Variants in RPS6KA2 observed in about 807,000 individuals in gnomAD.
RPS6KA2 encodes the protein ribosomal protein S6 kinase A2.
A neutral mutation model predicts 91.8 loss-of-function variants in RPS6KA2; 42 were observed. The observed-to-expected ratio is 0.46, with a 90% CI of 0.36 to 0.59. The LOEUF (loss-of-function observed/expected upper bound fraction) is 0.59. RPS6KA2 is among the 20% of genes least tolerant of loss of function. The pLI, the probability that RPS6KA2 is intolerant of heterozygous loss-of-function variation, is 0.00. For missense variants in RPS6KA2, 798 were observed against 978.5 expected (o/e 0.82, Z 2.46); for synonymous variants, 414 against 393.6 (o/e 1.05, Z -0.61).
At chr6:166,491,566 A>G (rs1053344521) in intron 8 of RPS6KA2, among the ~76,000 whole-genome samples, 1 of 152,228 alleles carries the variant, frequency 6.6e-6, no homozygotes, top group African/African-American at 2.4e-5. Flanking sequence ...CCAAGGATCA[A>G]TCCTACTCGG....
intron 1 of RPS6KA2, among the ~76,000 whole-genome samples, chr6:166,548,590 A>G (rs1783901171): frequency 6.6e-6 from 1 of 152,242 alleles, no homozygotes; most frequent in Admixed American, 6.5e-5. Flanking sequence ...GAGGAAAGGC[A>G]GCCTTTTTGA....
In RPS6KA2 at chr6:166,626,059, T is replaced by G. The variant is rs1786860954; in HGVS notation, c.99+862A>C. Among the ~76,000 whole-genome samples the G allele has an allele frequency of 6.6e-6, 1 of 152,208 alleles. No homozygotes were observed. Among genetic ancestry groups the G allele is most frequent in the African/African-American group, 2.4e-5 (1 of 41,464 alleles). ...GCCTTGAGGCAAAGGCGGGACAGTG[T>G]CAGGCGAAATCTTTGGGTCCCAGCC... On this transcript the variant is annotated intron_variant, in intron 1 of 20. Coordinates refer to ENST00000265678, the MANE Select transcript of RPS6KA2 (RefSeq NM_021135.6). This position sits in a 1 kb window ranked among gnomAD's most constrained non-coding sequence, Gnocchi z 4.1.
chr6:166,633,857 CTA>C (rs1452939759), intron 2 of RPS6KA2, among the ~76,000 whole-genome samples: 1 of 152,176 alleles, frequency 6.6e-6, no homozygotes, highest in Non-Finnish European at 1.5e-5. Context: ...CAAAAATATA[CTA>C]TGAGTCAGCG....
Position 166,448,637 on chromosome 6 carries a change from T to A in RPS6KA2, c.1332+87A>T. 6.9e-7 allele frequency: 1 copy of A among 1,457,878 alleles called. No individual in the cohort carries two copies. The highest frequency in any genetic ancestry group is 9.3e-7 in the Non-Finnish European group (1 of 1,080,828). The allele number at this position is 1,457,878 out of a possible 1,614,324, so 90.3% of individuals were successfully genotyped here. On this transcript the variant is annotated intron_variant, in intron 14 of 20. Transcript: ENST00000265678. The surrounding 1 kb of genome is among the most constrained non-coding windows in gnomAD (Gnocchi z 4.7). Reference sequence around the variant, plus strand: ...GCACTCACACAGGGCCCTGCTATGCTCCTATGCTCCGTGCTCCCACATACC... The same window carrying A: ...GCACTCACACAGGGCCCTGCTATGCACCTATGCTCCGTGCTCCCACATACC...
intron 6 of RPS6KA2, 85 bp from the exon 7 acceptor site, chr6:166,501,009 G>T: frequency 7.8e-7 from 1 of 1,275,408 alleles, no homozygotes; most frequent in South Asian, 1.2e-5. Flanking sequence ...AGAGCTGCGG[G>T]GCAGCTGGGG....
chr6:166,417,530 G>A (rs1380756167), intron 19 of RPS6KA2, among the ~76,000 whole-genome samples: 5 of 151,968 alleles, frequency 3.3e-5, no homozygotes, highest in African/African-American at 7.3e-5. Flanking sequence ...TCTCCTTGGG[G>A]CTCCAGCCTG....
intron 17 of RPS6KA2, among the ~76,000 whole-genome samples, chr6:166,421,895 A>AT (rs1046861388): frequency 3.3e-5 from 5 of 151,512 alleles, no homozygotes; most frequent in African/African-American, 9.7e-5. Context: ...GGTTACTTTC[A>AT]TTTTTTTTAG....
chr6:166,761,149 C>G (rs943262695), intron 2 of RPS6KA2, among the ~76,000 whole-genome samples: 1 of 152,112 alleles, frequency 6.6e-6, no homozygotes, highest in Non-Finnish European at 1.5e-5. Flanking sequence ...CTGCAACCTC[C>G]GCCTCCCGGG....
intron 2 of RPS6KA2, among the ~76,000 whole-genome samples, chr6:166,678,767 C>A (rs375736422): frequency 1.0e-3 from 154 of 152,326 alleles, no homozygotes; most frequent in African/African-American, 3.6e-3. Flanking sequence ...CAAAACGTGG[C>A]CTCTGAAGTC....
chr6:166,853,037 G>A (rs183714193), intron 2 of RPS6KA2, among the ~76,000 whole-genome samples: 14 of 152,320 alleles, frequency 9.2e-5, no homozygotes, highest in Admixed American at 1.3e-4. Context: ...GTGGAATCAC[G>A]CTGACATTTT....
chr6:166,696,161 G>A (rs1026833212), intron 2 of RPS6KA2, among the ~76,000 whole-genome samples: 5 of 152,136 alleles, frequency 3.3e-5, no homozygotes, highest in Non-Finnish European at 5.9e-5. Context: ...GGGAAGAGCC[G>A]GAGTGGGATT....
intron 2 of RPS6KA2, among the ~76,000 whole-genome samples, chr6:166,817,581 AG>A (rs1156544355): frequency 1.3e-5 from 2 of 152,218 alleles, no homozygotes; most frequent in Non-Finnish European, 2.9e-5. Flanking sequence ...AAAAATCCAC[AG>A]AAAGGTTGAA....
intron 2 of RPS6KA2, among the ~76,000 whole-genome samples, chr6:166,804,171 A>G (rs1010823699): frequency 6.4e-5 from 3 of 46,636 alleles, no homozygotes; most frequent in Non-Finnish European, 1.8e-4. Context: ...GTAAATTAGT[A>G]AAAAAAAAAT....
chr6:166,604,271 G>A (rs1241837789), intron 1 of RPS6KA2, among the ~76,000 whole-genome samples: 3 of 152,116 alleles, frequency 2.0e-5, no homozygotes, highest in Admixed American at 6.5e-5. Context: ...TTACTTGAAT[G>A]GGAACATAAC....
chr6:166,704,448 G>T (rs889418523), intron 2 of RPS6KA2, among the ~76,000 whole-genome samples: 1 of 152,224 alleles, frequency 6.6e-6, no homozygotes, highest in Non-Finnish European at 1.5e-5. Flanking sequence ...TAGGTGTGAA[G>T]ATAATATAAA....
chr6:166,651,709 C>T (rs1417858616), intron 2 of RPS6KA2, among the ~76,000 whole-genome samples: 2 of 152,244 alleles, frequency 1.3e-5, no homozygotes, highest in Non-Finnish European at 2.9e-5. Context: ...CAGGATGCTT[C>T]GATCTGATGA....
chr6:166,832,051 TAG>T, intron 2 of RPS6KA2, among the ~76,000 whole-genome samples: 1 of 143,384 alleles, frequency 7.0e-6, no homozygotes, highest in East Asian at 1.9e-4. Flanking sequence ...GATAGATAGA[TAG>T]ATAGATAGAT....
intron 2 of RPS6KA2, among the ~76,000 whole-genome samples, chr6:166,652,563 C>T (rs998664256): frequency 1.3e-4 from 20 of 151,960 alleles, no homozygotes; most frequent in Non-Finnish European, 2.5e-4. Context: ...TATTTTTGCC[C>T]GTATTGATCT....
At chr6:166,731,062 G>A (rs1411049916) in intron 2 of RPS6KA2, among the ~76,000 whole-genome samples, 1 of 152,154 alleles carries the variant, frequency 6.6e-6, no homozygotes, top group African/African-American at 2.4e-5. Flanking sequence ...GACCAACATG[G>A]TGAAACCCCA....
Sources: allele counts gnomAD v4.1 joint callset (sites outside exome capture counted in the v4.1 genomes callset), GRCh38; gene constraint gnomAD v4.1.1; non-coding constraint Gnocchi (gnomAD v3.1); transcripts MANE v1.5; gene names NCBI Gene and HGNC (gene_info 2026-07-23, HGNC 2026-07-21).